LIPJ: variants seen among roughly 807,000 people sequenced by gnomAD.
LIPJ encodes lipase member J.
A neutral mutation model predicts 39.8 loss-of-function variants in LIPJ; 33 were observed. That is an observed-to-expected ratio of 0.83 (90% CI 0.63 to 1.11). LIPJ has a LOEUF of 1.11. Ranked by LOEUF, LIPJ falls within the 50% of genes least tolerant of loss-of-function variation. LIPJ has a pLI of 0.00. For synonymous variants in LIPJ, 128 were observed against 139.2 expected (o/e 0.92, Z 0.57); for missense variants, 422 against 427.9 (o/e 0.99, Z 0.12).
chr10:88,596,290 A>G, exon 7 of LIPJ: 1 of 1,454,444 alleles, frequency 6.9e-7, no homozygotes, highest in Non-Finnish European at 9.2e-7. Flanking sequence ...GTTTCATAAC[A>G]TTTTCTACTA....
At chr10:88,594,311 G>T in intron 5 of LIPJ, 167 bp downstream of exon 5, 2 of 585,024 alleles carry the variant, frequency 3.4e-6, no homozygotes, top group East Asian at 2.9e-5. Flanking sequence ...GTACTTGTGT[G>T]ATTTTGAGTT....
In LIPJ at chr10:88,590,610, A is replaced by C; in HGVS notation, c.-78A>C. 8.7e-7 allele frequency: 1 copy of C among 1,153,626 alleles called. No homozygotes were observed. Among genetic ancestry groups the C allele is most frequent in the Non-Finnish European group, 1.3e-6 (1 of 766,096 alleles). The allele number at this position is 1,153,626 out of a possible 1,614,324, so 71.5% of individuals were successfully genotyped here. On this transcript the variant is annotated 5_prime_UTR_variant, in exon 3 of 11. The change abolishes an upstream ATG in the 5' untranslated region. Coordinates refer to ENST00000371939, the Ensembl canonical transcript of LIPJ. ...GTCCCAAACGTGGTATCTTTTCACA[A>C]TGATGTATTTTATCCGAATTCTTGG... is the stretch of plus-strand genomic sequence containing the variant.
chr10:88,615,985 G>T, the LIPJ span, among the ~76,000 whole-genome samples: 1 of 152,196 alleles, frequency 6.6e-6, no homozygotes, highest in Non-Finnish European at 1.5e-5. Flanking sequence ...GCCAAGGTGG[G>T]AGGATCGCAT....
At chr10:88,621,772 G>A in the LIPJ span, among the ~76,000 whole-genome samples, 19 of 152,120 alleles carry the variant, frequency 1.2e-4, no homozygotes, top group Non-Finnish European at 2.2e-4. Flanking sequence ...AATGATATTT[G>A]ACCTAAGGAA....
At chr10:88,607,820 A>G (rs975601223), downstream of LIPJ, among the ~76,000 whole-genome samples, 9 of 152,252 alleles carry the variant, frequency 5.9e-5, no homozygotes, top group African/African-American at 2.2e-4. Flanking sequence ...TTTCCAGTTT[A>G]TCACATAAGA....
chr10:88,592,265 G>A (rs1018000728), intron 4 of LIPJ: 1 of 151,664 alleles, frequency 6.6e-6, no homozygotes, highest in Non-Finnish European at 1.5e-5. Context: ...ATTTATAAAG[G>A]TTATACCCAG....
At chr10:88,606,676 A>G (rs758941573) in exon 11 of LIPJ, 15 of 1,590,972 alleles carry the variant, frequency 9.4e-6, no homozygotes, top group Non-Finnish European at 1.3e-5. Context: ...ATTTTCAGAC[A>G]ACGTCTCCAT....
In LIPJ at chr10:88,596,954, T is replaced by G. The variant is rs772933209; in HGVS notation, c.723+18T>G. 3 of 1,293,854 alleles carry G rather than the reference T, an allele frequency of 2.3e-6. No individual in the cohort carries two copies. Among genetic ancestry groups the G allele is most frequent in the South Asian group, 1.3e-5 (1 of 76,620 alleles). 80.1% of individuals were successfully genotyped at this position (1,293,854 alleles called of 1,614,324 possible). ...TAAATATGGTAAGAACAAGTTGTATTTGAAATATATATATTTTCCAATATT... is the reference window on the plus strand; with the variant it reads ...TAAATATGGTAAGAACAAGTTGTATGTGAAATATATATATTTTCCAATATT... On this transcript the variant is annotated intron_variant, in intron 8 of 10. Coordinates refer to ENST00000371939, the Ensembl canonical transcript of LIPJ.
At chr10:88,590,717 T>G in intron 3 of LIPJ, 21 bp downstream of exon 3, 3 of 1,577,412 alleles carry the variant, frequency 1.9e-6, no homozygotes, top group South Asian at 1.1e-5. Flanking sequence ...AGAAAATAAA[T>G]CTGGACTGCT....
At chr10:88,598,651 C>T (rs1054630800) in intron 8 of LIPJ, among the ~76,000 whole-genome samples, 3 of 151,786 alleles carry the variant, frequency 2.0e-5, no homozygotes, top group African/African-American at 4.8e-5. Context: ...ATATTGCTCA[C>T]AGATAGGCCT....
At chr10:88,606,393 G>A (rs949793916) in intron 10 of LIPJ, among the ~76,000 whole-genome samples, 1 of 152,074 alleles carries the variant, frequency 6.6e-6, no homozygotes, top group Non-Finnish European at 1.5e-5. Context: ...AATCTTTCAT[G>A]TTTTATAAAC....
downstream of LIPJ, among the ~76,000 whole-genome samples, chr10:88,609,634 C>G (rs906306339): frequency 6.6e-6 from 1 of 152,178 alleles, no homozygotes; most frequent in African/African-American, 2.4e-5. Context: ...GGTGCAGTGG[C>G]GCACGCCTGT....
At chr10:88,596,407 A>C (rs2134557813) in exon 7 of LIPJ, 1 of 1,536,394 alleles carries the variant, frequency 6.5e-7, no homozygotes, top group African/African-American at 1.4e-5. Context: ...AATGGAAGTC[A>C]ATAGTCATGG....
upstream of LIPJ, among the ~76,000 whole-genome samples, chr10:88,584,845 A>T (rs1221327376): frequency 6.6e-6 from 1 of 152,160 alleles, no homozygotes; most frequent in Non-Finnish European, 1.5e-5. Flanking sequence ...TAAATGTAAA[A>T]ATGTCTTTTT....
the LIPJ span, among the ~76,000 whole-genome samples, chr10:88,617,988 C>T: frequency 3.9e-5 from 6 of 152,212 alleles, no homozygotes; most frequent in Admixed American, 1.3e-4. Context: ...GATGATCTTA[C>T]ACTTTTCATG....
Position 88,593,943 on chromosome 10 carries a change from C to A in LIPJ, c.131-3C>A. ...TAAAGAACTTTCTACATTTTTTTCT[C>A]AGCTCAGAGGGTTGTTGTATACTTG... On this transcript the variant is annotated splice_region_variant and splice_polypyrimidine_tract_variant and intron_variant, in intron 4 of 10. Transcript: ENST00000371939. The A allele has an allele frequency of 6.3e-7, 1 of 1,588,010 alleles. No homozygotes were observed. Among genetic ancestry groups the A allele is most frequent in the Non-Finnish European group, 8.6e-7 (1 of 1,169,164 alleles).
chr10:88,585,599 C>T (rs1176269988), upstream of LIPJ: 3 of 151,830 alleles, frequency 2.0e-5, no homozygotes, highest in Non-Finnish European at 2.9e-5. Context: ...TGCCAAAAAA[C>T]GAATTCACTA....
intron 2 of LIPJ, among the ~76,000 whole-genome samples, chr10:88,590,117 T>TA (rs1180635179): frequency 6.6e-6 from 1 of 151,534 alleles, no homozygotes; most frequent in African/African-American, 2.4e-5. Context: ...CACCTATCTG[T>TA]AAAAAAAGTA....
chr10:88,583,569 A>C (rs1850790498), upstream of LIPJ: 1 of 1,030,134 alleles, frequency 9.7e-7, no homozygotes, highest in Admixed American at 5.7e-5. Context: ...ATCTACTGCG[A>C]TAACTCTCAT....
Sources: allele counts gnomAD v4.1 joint callset (sites outside exome capture counted in the v4.1 genomes callset), GRCh38; gene constraint gnomAD v4.1.1; transcripts MANE v1.5; gene names NCBI Gene and HGNC (gene_info 2026-07-23, HGNC 2026-07-21).